Variants in PPAT observed in about 807,000 individuals in gnomAD.
PPAT encodes the protein phosphoribosyl pyrophosphate amidotransferase, also known as amidophosphoribosyltransferase.
PPAT carries 20 observed loss-of-function variants against 60.2 expected under a neutral mutation model. That is an observed-to-expected ratio of 0.33 (90% CI 0.23 to 0.48). PPAT has a LOEUF of 0.48. PPAT is among the 20% of genes least tolerant of loss of function. PPAT has a pLI of 0.99. For synonymous variants in PPAT, 194 were observed against 215.1 expected, an observed-to-expected ratio of 0.90 and a Z score of 0.86; for missense variants, 349 against 629.6, an observed-to-expected ratio of 0.55 and a Z score of 4.77.
chr4:56,403,631 G>A (rs926717111), intron 3 of PPAT, among the ~76,000 whole-genome samples: 31 of 152,006 alleles, frequency 2.0e-4, no homozygotes, highest in African/African-American at 7.0e-4. Flanking sequence ...TGATTCAAGC[G>A]AATTACATTT....
chr4:56,426,375 C>A (rs1230574327), intron 1 of PPAT, among the ~76,000 whole-genome samples: 2 of 151,846 alleles, frequency 1.3e-5, no homozygotes, highest in Non-Finnish European at 2.9e-5. Context: ...GCACTCCAGC[C>A]TGGGCGACTG....
chr4:56,430,407 C>T (rs931088764), intron 1 of PPAT, among the ~76,000 whole-genome samples: 19 of 152,060 alleles, frequency 1.2e-4, no homozygotes, highest in African/African-American at 3.6e-4. Flanking sequence ...GAGAAGTCTA[C>T]GCTCCTGAAC....
At chr4:56,408,680 G>A (rs1716314186) in intron 1 of PPAT, among the ~76,000 whole-genome samples, 1 of 150,618 alleles carries the variant, frequency 6.6e-6, no homozygotes, top group East Asian at 2.0e-4. Flanking sequence ...CGTGAACCCA[G>A]GAGGCGGAGC....
intron 2 of PPAT, 148 bp from the exon 3 acceptor site, chr4:56,406,849 CA>C: frequency 2.9e-6 from 2 of 681,470 alleles, no homozygotes; most frequent in South Asian, 4.0e-5. Flanking sequence ...AAAAAAAAGT[CA>C]AAAACAAATA....
intron 1 of PPAT, among the ~76,000 whole-genome samples, chr4:56,433,355 T>C (rs1023305436): frequency 1.6e-5 from 2 of 128,650 alleles, no homozygotes; most frequent in Admixed American, 7.9e-5. Flanking sequence ...AAAGCAACTA[T>C]AGAAAACAGA....
At chr4:56,434,500 T>C (rs545427823) in intron 1 of PPAT, among the ~76,000 whole-genome samples, 2 of 152,314 alleles carry the variant, frequency 1.3e-5, no homozygotes, top group South Asian at 4.1e-4. Flanking sequence ...TTAAGTCAGG[T>C]AGTAAGAAAA....
Position 56,400,789 on chromosome 4 carries a change from C to A in PPAT, c.1009G>T (p.Gly337Ter). ...SATPAALAYA[G>*]KCGLPYVEVL... ...TGTTAATTAAGAGAAAATACCTTTC[C>A]TGCGTAAGCAAGAGCAGCAGGCGTA... Residue 337 changes from glycine to a stop codon, truncating the protein, a stop_gained, in exon 8 of 11, where the codon GGA becomes TGA. Transcript: ENST00000264220. LOFTEE classifies it high-confidence loss of function. The A allele has an allele frequency of 6.2e-7, 1 of 1,612,396 alleles. No individual in the cohort carries two copies. Among genetic ancestry groups the A allele is most frequent in the Non-Finnish European group, 8.5e-7 (1 of 1,179,102 alleles).
At chr4:56,418,453 G>T (rs1167729195) in intron 1 of PPAT, among the ~76,000 whole-genome samples, 2 of 151,934 alleles carry the variant, frequency 1.3e-5, no homozygotes, top group Admixed American at 1.3e-4. Context: ...CCAAATACCT[G>T]AGACCACAGG....
At chr4:56,395,649 A>T in intron 10 of PPAT, 101 bp from the exon 11 acceptor site, 1 of 786,316 alleles carries the variant, frequency 1.3e-6, no homozygotes, top group Non-Finnish European at 1.8e-6. Flanking sequence ...TTAAGCTAGG[A>T]TAAATTTCTC....
rs1447606609 is a variant in PPAT at position 56,403,037 on chromosome 4, T to C, written c.661+3A>G. The C allele has an allele frequency of 6.3e-7, 1 of 1,596,784 alleles. No homozygotes were observed. The highest frequency in any genetic ancestry group is 1.8e-5 in the Admixed American group (1 of 56,060). On this transcript the variant is annotated splice_donor_region_variant and intron_variant, in intron 5 of 10. Transcript: ENST00000264220. Reference sequence around the variant, plus strand: ...AAATGATATTCCTTCTAAAGTTTATTACCTTTGTCATTTATATCAGACACT... The same window carrying C: ...AAATGATATTCCTTCTAAAGTTTATCACCTTTGTCATTTATATCAGACACT...
intron 1 of PPAT, among the ~76,000 whole-genome samples, chr4:56,428,319 G>C (rs1717403618): frequency 1.3e-5 from 2 of 152,092 alleles, no homozygotes; most frequent in African/African-American, 4.8e-5. Context: ...GAAAATACTG[G>C]TGTGACAGTG....
intron 5 of PPAT, among the ~76,000 whole-genome samples, 191 bp downstream of exon 5, chr4:56,402,835 AAAAAAAAAAAAAAG>A (rs1306301078): frequency 3.3e-5 from 4 of 122,762 alleles, no homozygotes; most frequent in Non-Finnish European, 6.9e-5. Flanking sequence ...AAAAAAAAAA[AAAAAAAAAAAAAAG>A]GGGGGGGACT....
chr4:56,406,496 T>C lies in PPAT; in HGVS notation c.401A>G (p.Lys134Arg), dbSNP rs1476597586. 6.2e-7 allele frequency: 1 copy of C among 1,609,970 alleles called. No individual in the cohort carries two copies. The highest frequency in any genetic ancestry group is 1.7e-5 in the Admixed American group (1 of 60,020). Residue 134 changes from lysine (K) to arginine (R), a missense_variant and splice_region_variant, in exon 3 of 11, where the codon AAG (lysine) becomes AGG (arginine). Transcript: ENST00000264220. ...ELVNAARLRK[K>R]LLRHGIGLST... is the part of the protein sequence containing the mutation. Reference sequence around the variant, plus strand: ...GGGAAAACAAACAAACAAACGTACCTTTTTCCTTAATCGAGCAGCATTTAC... The same window carrying C: ...GGGAAAACAAACAAACAAACGTACCCTTTTCCTTAATCGAGCAGCATTTAC...
Position 56,410,523 on chromosome 4 carries a change from G to A in PPAT, c.129-2807C>T, listed in dbSNP as rs1161524207. The A allele has an allele frequency of 4.1e-6, 4 of 986,488 alleles. No individual in the cohort carries two copies. The South Asian group carries it at 1.4e-4, about 35-fold the overall frequency. 61.1% of individuals were successfully genotyped at this position (986,488 alleles called of 1,614,324 possible). On this transcript the variant is annotated intron_variant, in intron 1 of 10. Coordinates refer to ENST00000264220, the MANE Select transcript of PPAT (RefSeq NM_002703.5). ...TTCCAGGTCACTTTCAACATGGAGA[G>A]TGGAGCAGGAAAGCACTGGACTGAG...
At chr4:56,419,981 C>T (rs1477700194) in intron 1 of PPAT, 1 of 984,812 alleles carries the variant, frequency 1.0e-6, no homozygotes, top group East Asian at 1.1e-4. Flanking sequence ...AATCACGAGA[C>T]CAGGAATCCC....
Position 56,399,331 on chromosome 4 carries a change from T to C in PPAT, c.1084A>G (p.Met362Val), listed in dbSNP as rs761909147. ...YVGRTFIQPN[M>V]RLRQLGVAKK... Reference sequence around the variant, plus strand: ...GCAACACCAAGTTGTCTTAACCTCATGTTTGGCTGAATGAAGGTTCTCCCT... The same window carrying C: ...GCAACACCAAGTTGTCTTAACCTCACGTTTGGCTGAATGAAGGTTCTCCCT... Residue 362 changes from methionine (M) to valine (V), a missense_variant, in exon 9 of 11, where the codon ATG becomes GTG. By Grantham distance (21) the Met-to-Val change is conservative. Transcript: ENST00000264220. The C allele has an allele frequency of 1.2e-6, 2 of 1,614,034 alleles. No homozygotes were observed. The highest frequency in any genetic ancestry group is 1.3e-5 in the African/African-American group (1 of 75,028).
chr4:56,417,466 G>A (rs1359620005), intron 1 of PPAT, among the ~76,000 whole-genome samples: 1 of 151,902 alleles, frequency 6.6e-6, no homozygotes, highest in African/African-American at 2.4e-5. Flanking sequence ...AATTATTACT[G>A]AACCATTAAT....
At chr4:56,417,906 T>C (rs537461286) in intron 1 of PPAT, among the ~76,000 whole-genome samples, 114 of 149,726 alleles carry the variant, frequency 7.6e-4, no homozygotes, top group African/African-American at 2.8e-3. Flanking sequence ...AGTGGTGCAA[T>C]CTCGGCTCAC....
At chr4:56,415,136 T>C (rs182852452) in intron 1 of PPAT, among the ~76,000 whole-genome samples, 3 of 152,212 alleles carry the variant, frequency 2.0e-5, no homozygotes, top group South Asian at 2.1e-4. Flanking sequence ...AAAATGAATA[T>C]TTATGCCATT....
Sources: gnomAD v4.1 joint callset for allele counts (sites outside exome capture counted in the v4.1 genomes callset) on GRCh38, gnomAD v4.1.1 for gene constraint, MANE v1.5 for transcripts, NCBI Gene and HGNC (gene_info 2026-07-23, HGNC 2026-07-21) for gene names.